The following LONRF2 variants were observed in gnomAD, a reference collection of about 807,000 sequenced individuals.
The protein encoded by LONRF2 is LON peptidase N-terminal domain and RING finger protein 2.
A neutral mutation model predicts 66.6 loss-of-function variants in LONRF2; 35 were observed. The observed-to-expected ratio is 0.53, with a 90% confidence interval of 0.40 to 0.70. LONRF2 has a LOEUF of 0.70. Among genes scored for constraint, LONRF2 ranks in the 30% least tolerant of loss-of-function variants. The pLI, the probability that LONRF2 is intolerant of heterozygous loss-of-function variation, is 0.00. For missense variants in LONRF2, 902 were observed against 1,002.1 expected (o/e 0.90, Z 1.35); for synonymous variants, 417 against 418.1 (o/e 1.00, Z 0.03).
chr2:100,319,297 T>C (rs947415973), intron 1 of LONRF2, among the ~76,000 whole-genome samples: 7 of 152,202 alleles, frequency 4.6e-5, no homozygotes, highest in African/African-American at 1.7e-4. Flanking sequence ...GAATACATTC[T>C]ATATAAGTTC....
chr2:100,315,344 C>T (rs1021211178), intron 1 of LONRF2, among the ~76,000 whole-genome samples: 4 of 152,092 alleles, frequency 2.6e-5, no homozygotes, highest in African/African-American at 9.7e-5. Flanking sequence ...TCTAATAGTT[C>T]CTACATTCTT....
chr2:100,306,069 A>AT (rs963501265), intron 2 of LONRF2, among the ~76,000 whole-genome samples: 1 of 150,236 alleles, frequency 6.7e-6, no homozygotes, highest in Non-Finnish European at 1.5e-5. Context: ...TTTCTTGGCT[A>AT]TTTTTTGTGT....
At position 100,299,736 on chromosome 2, in the gene LONRF2, A is replaced by T. The variant is rs1266385565; in HGVS notation, c.1248T>A (p.Pro416=). 1 of 1,614,018 alleles carries T rather than the reference A, an allele frequency of 6.2e-7. No individual in the cohort carries two copies. Among genetic ancestry groups the T allele is most frequent in the Non-Finnish European group, 8.5e-7 (1 of 1,179,980 alleles). ...DVEDAPDLNA[P]GKIPKKDLSL... ...ACTGACCTTTCTTGGGAATTTTTCC[A>T]GGGGCGTTCAGGTCAGGTGCATCCT... The change falls in exon 5 of 12, where the codon CCT becomes CCA. Residue 416 remains proline, a synonymous_variant. Transcript: ENST00000393437.
rs1225738859 is a variant in LONRF2 at position 100,283,543 on chromosome 2, C to T, written c.*755G>A. Reference sequence around the variant, plus strand: ...TGGTTTTATGTTTGACATCCCAATGCATATACAATTTTAACTCACTTTATT... The same window carrying T: ...TGGTTTTATGTTTGACATCCCAATGTATATACAATTTTAACTCACTTTATT... On this transcript the variant is annotated 3_prime_UTR_variant, in exon 12 of 12. Transcript: ENST00000393437. 6.7e-6 allele frequency: 1 copy of T among 149,452 alleles called. No individual in the cohort carries two copies. Among genetic ancestry groups the T allele is most frequent in the Non-Finnish European group, 1.5e-5 (1 of 67,738 alleles). 9.3% of individuals were successfully genotyped at this position (149,452 alleles called of 1,614,324 possible). A position where few individuals can be genotyped will look rare whatever the true frequency, so the allele number is the denominator to read the frequency against.
chr2:100,293,999 G>A (rs1465769501), intron 9 of LONRF2, among the ~76,000 whole-genome samples: 1 of 152,174 alleles, frequency 6.6e-6, no homozygotes, highest in African/African-American at 2.4e-5. Context: ...CAAGAGAAGG[G>A]CAAGTAGCAT....
rs554126269 is a variant in LONRF2 at position 100,282,631 on chromosome 2, A to C, written c.*1667T>G. The C allele has an allele frequency of 7.4e-4, 112 of 152,360 alleles. No homozygotes were observed. The highest frequency in any genetic ancestry group is 2.4e-3 in the African/African-American group (101 of 41,586). 9.4% of individuals were successfully genotyped at this position (152,360 alleles called of 1,614,324 possible). On this transcript the variant is annotated 3_prime_UTR_variant, in exon 12 of 12. Coordinates refer to ENST00000393437, the MANE Select transcript of LONRF2 (RefSeq NM_198461.4). Reference sequence around the variant, plus strand: ...ACTATTGTTAATGCATAAATTAATAAAATCTCTTAGAAATCACTTGGCCAA... The same window carrying C: ...ACTATTGTTAATGCATAAATTAATACAATCTCTTAGAAATCACTTGGCCAA...
intron 3 of LONRF2, 145 bp from the exon 4 acceptor site, chr2:100,300,932 A>G (rs780348273): frequency 8.7e-5 from 56 of 641,396 alleles, no homozygotes; most frequent in Middle Eastern, 4.6e-4. Context: ...AACCTTTTAA[A>G]ATCCAAACAT....
At chr2:100,289,430 CTTTTTTTTT>C (rs10543662) in intron 10 of LONRF2, among the ~76,000 whole-genome samples, 1 of 77,076 alleles carries the variant, frequency 1.3e-5, no homozygotes, top group Non-Finnish European at 2.2e-5. Context: ...ACAATAAGGT[CTTTTTTTTT>C]TTTTTTTTTT....
rs1172105184 is a variant in LONRF2, at chr2:100,283,455, AATG to A, written c.*840_*842del. On this transcript the variant is annotated 3_prime_UTR_variant, in exon 12 of 12. Coordinates refer to ENST00000393437, the MANE Select transcript of LONRF2 (RefSeq NM_198461.4). ...AATAGAAAAAGATGACTGTTTCCTAAATGCTTAGTAACCACTGATCAATGAGAC... is the reference window on the plus strand; with the variant it reads ...AATAGAAAAAGATGACTGTTTCCTAACTTAGTAACCACTGATCAATGAGAC... The A allele has an allele frequency of 6.6e-6, 1 of 152,142 alleles. No individual in the cohort carries two copies. The highest frequency in any genetic ancestry group is 1.5e-5 in the Non-Finnish European group (1 of 68,020). The allele number at this position is 152,142 out of a possible 1,614,324, so 9.4% of individuals were successfully genotyped here. A position where few individuals can be genotyped will look rare whatever the true frequency, so the allele number is the denominator to read the frequency against.
chr2:100,292,751 T>A (rs185754361), intron 9 of LONRF2, among the ~76,000 whole-genome samples: 4 of 152,216 alleles, frequency 2.6e-5, no homozygotes, highest in Non-Finnish European at 4.4e-5. Flanking sequence ...TCCCCACTCC[T>A]AATTATAAAG....
chr2:100,290,197 C>A, intron 10 of LONRF2, 61 bp downstream of exon 10: 11 of 1,483,670 alleles, frequency 7.4e-6, no homozygotes, highest in Non-Finnish European at 1.0e-5. Flanking sequence ...AGCTTTTCCA[C>A]AATGCAAAGG....
intron 2 of LONRF2, among the ~76,000 whole-genome samples, chr2:100,306,540 C>T (rs1675294721): frequency 6.6e-6 from 1 of 152,204 alleles, no homozygotes; most frequent in African/African-American, 2.4e-5. Context: ...GTGCCTATAT[C>T]TATTTCTGCA....
chr2:100,320,987 C>T (rs1675610149), intron 1 of LONRF2, among the ~76,000 whole-genome samples: 1 of 152,158 alleles, frequency 6.6e-6, no homozygotes, highest in Non-Finnish European at 1.5e-5. Flanking sequence ...TCCTTCCTGG[C>T]TATATTAGCT....
At chr2:100,295,608 A>C (rs1287431075) in intron 7 of LONRF2, 55 bp from the exon 8 acceptor site, 1 of 1,563,506 alleles carries the variant, frequency 6.4e-7, no homozygotes, top group South Asian at 1.2e-5. Flanking sequence ...TAAAGGACGA[A>C]GCTTCCGAGT....
At chr2:100,284,991 A>G (rs1386602960) in intron 11 of LONRF2, among the ~76,000 whole-genome samples, 1 of 152,246 alleles carries the variant, frequency 6.6e-6, no homozygotes, top group East Asian at 1.9e-4. Context: ...GAGTTATCAT[A>G]AATTATATAT....
In LONRF2 at chr2:100,271,920, A is replaced by C. The variant is rs1270906995; in HGVS notation, c.*12378T>G. ...AGCTTTATTTCCAACAATGTCCGTC[A>C]TCACAGAAAGTTTCATCCAACAGTG... On this transcript the variant is annotated 3_prime_UTR_variant, in exon 12 of 12. Transcript: ENST00000393437. Among the ~76,000 whole-genome samples, 1 of 152,230 alleles carries C rather than the reference A, an allele frequency of 6.6e-6. No individual in the cohort carries two copies. The highest frequency in any genetic ancestry group is 2.4e-5 in the African/African-American group (1 of 41,462).
intron 1 of LONRF2, among the ~76,000 whole-genome samples, chr2:100,313,955 GCTGTGTAATATTACA>G (rs1256868470): frequency 6.6e-6 from 1 of 151,936 alleles, no homozygotes; most frequent in Non-Finnish European, 1.5e-5. Flanking sequence ...TTTAAAAATT[GCTGTGTAATATTACA>G]CTGTATGACT....
chr2:100,315,299 T>A (rs1411480890), intron 1 of LONRF2, among the ~76,000 whole-genome samples: 1 of 129,300 alleles, frequency 7.7e-6, no homozygotes, highest in Non-Finnish European at 1.5e-5. Context: ...TATATTGACC[T>A]TGTAGTCAGC....
At chr2:100,286,573 C>A (rs370056482) in intron 11 of LONRF2, among the ~76,000 whole-genome samples, 1 of 152,178 alleles carries the variant, frequency 6.6e-6, no homozygotes, top group African/African-American at 2.4e-5. Context: ...CAATGCTATG[C>A]GCCAAACGTG....
Sources: allele counts gnomAD v4.1 joint callset (sites outside exome capture counted in the v4.1 genomes callset), GRCh38; gene constraint gnomAD v4.1.1; transcripts MANE v1.5; gene names NCBI Gene and HGNC (gene_info 2026-07-23, HGNC 2026-07-21).